The following DENND2B variants were observed in gnomAD, a reference collection of about 807,000 sequenced individuals.
DENND2B encodes the protein DENN domain-containing protein 2B.
DENND2B carries 32 observed loss-of-function variants against 116.0 expected under a neutral mutation model. That is an observed-to-expected ratio of 0.28 (90% CI 0.21 to 0.37). DENND2B has a LOEUF of 0.37. Among genes scored for constraint, DENND2B ranks in the 10% least tolerant of loss-of-function variants. The pLI, the probability that DENND2B is intolerant of heterozygous loss-of-function variation, is 1.00. For synonymous variants in DENND2B, 588 were observed against 583.9 expected (o/e 1.01, Z -0.10); for missense variants, 1,276 against 1,477.7 (o/e 0.86, Z 2.24).
At chr11:8,756,367 A>G (rs889886580) in intron 1 of DENND2B, among the ~76,000 whole-genome samples, 1 of 152,230 alleles carries the variant, frequency 6.6e-6, no homozygotes, top group Non-Finnish European at 1.5e-5. Flanking sequence ...GTGGCTAAGA[A>G]GAAAAATCCT....
At chr11:8,840,433 G>A (rs1035612326) in intron 3 of DENND2B, among the ~76,000 whole-genome samples, 3 of 152,082 alleles carry the variant, frequency 2.0e-5, no homozygotes, top group Admixed American at 1.3e-4. Context: ...AGGGCTGAAC[G>A]GCAGGACCAC....
Position 8,718,755 on chromosome 11 carries a change from T to C in DENND2B, c.1478-863A>G, listed in dbSNP as rs183708591. On this transcript the variant is annotated intron_variant, in intron 4 of 19. Transcript: ENST00000313726. ...CTGGCAGCGGGCATTGTATTGGCATTACCAGAAAATCTCAGAAAAGTCCAA... is the reference window on the plus strand; with the variant it reads ...CTGGCAGCGGGCATTGTATTGGCATCACCAGAAAATCTCAGAAAAGTCCAA... 7.4e-5 allele frequency: 78 copies of C among 1,051,146 alleles called. No homozygotes were observed. The African/African-American group carries it at 1.1e-3, about 15-fold the overall frequency. 65.1% of individuals were successfully genotyped at this position (1,051,146 alleles called of 1,614,324 possible). A position where few individuals can be genotyped will look rare whatever the true frequency, so the allele number is the denominator to read the frequency against.
chr11:8,870,826 C>G (rs1022949334), intron 2 of DENND2B: 1 of 152,276 alleles, frequency 6.6e-6, no homozygotes, highest in African/African-American at 2.4e-5. Flanking sequence ...CCCCCACGCG[C>G]GTACTCACGG....
Position 8,698,984 on chromosome 11 carries a change from G to T in DENND2B, c.2899-10C>A. 1.9e-6 allele frequency: 3 copies of T among 1,614,118 alleles called. No homozygotes were observed. The highest frequency in any genetic ancestry group is 2.5e-6 in the Non-Finnish European group (3 of 1,180,022). On this transcript the variant is annotated splice_polypyrimidine_tract_variant and intron_variant, in intron 15 of 19. Transcript: ENST00000313726. ...GATTCACCATCAGCGCCTGAGAAAA[G>T]GAGTCATTAGCAGAGTGGCTCAGGG...
At chr11:8,709,372 C>T (rs895312290) in intron 11 of DENND2B, among the ~76,000 whole-genome samples, 1 of 152,092 alleles carries the variant, frequency 6.6e-6, no homozygotes, top group Non-Finnish European at 1.5e-5. Context: ...TTGGCAGAGA[C>T]CCAGCCCAGG....
upstream of DENND2B, among the ~76,000 whole-genome samples, chr11:8,872,130 T>C (rs2063790879): frequency 6.6e-6 from 1 of 152,174 alleles, no homozygotes; most frequent in Non-Finnish European, 1.5e-5. Context: ...CCAGTTCAAT[T>C]GTCACATATC....
chr11:8,802,789 C>T (rs1311475870), intron 1 of DENND2B, among the ~76,000 whole-genome samples: 1 of 152,212 alleles, frequency 6.6e-6, no homozygotes, highest in Non-Finnish European at 1.5e-5. Context: ...CCCCAAACAT[C>T]TGTTAACCAA....
intron 1 of DENND2B, 75 bp from the exon 2 acceptor site, chr11:8,750,800 C>T: frequency 7.2e-7 from 1 of 1,382,926 alleles, no homozygotes; most frequent in Non-Finnish European, 1.0e-6. Context: ...TCCAGATGAC[C>T]TCCAAAAGTG....
intron 2 of DENND2B, among the ~76,000 whole-genome samples, chr11:8,876,509 G>T (rs1594329244): frequency 6.6e-6 from 1 of 152,056 alleles, no homozygotes; most frequent in East Asian, 1.9e-4. Context: ...TCACAAAAAG[G>T]TTCACTCCAA....
intron 2 of DENND2B, among the ~76,000 whole-genome samples, chr11:8,868,977 AT>A (rs775629131): frequency 2.0e-5 from 3 of 152,184 alleles, no homozygotes; most frequent in Non-Finnish European, 4.4e-5. Flanking sequence ...AAATATTATG[AT>A]TTTTTATGCG....
In DENND2B at chr11:8,712,679, G is replaced by A. The variant is rs369336564; in HGVS notation, c.2044C>T (p.Arg682Cys). 6 of 1,610,374 alleles carry A rather than the reference G, an allele frequency of 3.7e-6. No individual in the cohort carries two copies. In the African/African-American group the frequency reaches 6.7e-5, roughly 18 times the overall value. The stretch of plus-strand genomic sequence containing the variant: ...TCCAGCAGCTCCAGCTCCAGCGTGC[G>A]ATAGCTGGGGGCGCGCTTCAGCATC... ...QSMLKRAPSYRTLELELLEWQ... is the reference protein window; with the variant it reads ...QSMLKRAPSYCTLELELLEWQ... The change falls in exon 9 of 20, where the codon CGC becomes TGC. Residue 682 changes from arginine to cysteine, a missense_variant. Physicochemically the swap from Arg to Cys is radical, Grantham distance 180 (BLOSUM62 -3). This residue lies in a region of DENND2B where 420 missense variants were observed against 631.1 expected (regional missense o/e 0.67). Transcript: ENST00000313726. The surrounding 1 kb of genome is among the most constrained non-coding windows in gnomAD (Gnocchi z 4.4).
intron 2 of DENND2B, among the ~76,000 whole-genome samples, chr11:8,862,443 T>C (rs1471456744): frequency 6.9e-6 from 1 of 145,298 alleles, no homozygotes; most frequent in East Asian, 2.2e-4. Context: ...CAGGTGATCC[T>C]CCCATCTCAG....
chr11:8,757,368 T>G (rs550129810), intron 1 of DENND2B, among the ~76,000 whole-genome samples: 96 of 152,280 alleles, frequency 6.3e-4, no homozygotes, highest in African/African-American at 2.2e-3. Flanking sequence ...AGTACTATCA[T>G]TCCATTCACT....
chr11:8,834,816 C>T (rs1018943239), intron 4 of DENND2B, among the ~76,000 whole-genome samples: 3 of 152,310 alleles, frequency 2.0e-5, no homozygotes, highest in African/African-American at 7.2e-5. Flanking sequence ...AGAAACAACA[C>T]CAGACATGGT....
Position 8,693,799 on chromosome 11 carries a change from G to C in DENND2B, c.*297C>G, listed in dbSNP as rs1313864675. On this transcript the variant is annotated 3_prime_UTR_variant, in exon 20 of 20. Transcript: ENST00000313726. ...CAGCTGCACAAAACTGGCCAGTCAC[G>C]AGCACCCAGCGAAACTTCATCCATG... The C allele has an allele frequency of 8.9e-6, 3 of 338,840 alleles. No individual in the cohort carries two copies. Among genetic ancestry groups the C allele is most frequent in the Admixed American group, 4.6e-5 (1 of 21,664 alleles). The allele number at this position is 338,840 out of a possible 1,614,324, so 21.0% of individuals were successfully genotyped here. A position where few individuals can be genotyped will look rare whatever the true frequency, so the allele number is the denominator to read the frequency against.
At chr11:8,766,716 G>A (rs1228765010) in intron 1 of DENND2B, 13 of 1,275,148 alleles carry the variant, frequency 1.0e-5, no homozygotes, top group Non-Finnish European at 1.3e-5. Flanking sequence ...CTCTGTTGGT[G>A]ACATCACAGC....
intron 1 of DENND2B, among the ~76,000 whole-genome samples, chr11:8,754,095 G>T (rs1456786766): frequency 6.8e-6 from 1 of 146,700 alleles, no homozygotes; most frequent in Non-Finnish European, 1.5e-5. Context: ...TCAAAGAAAA[G>T]AACTTTTGTG....
intron 1 of DENND2B, among the ~76,000 whole-genome samples, chr11:8,898,430 G>C (rs1262194765): frequency 6.6e-6 from 1 of 152,048 alleles, no homozygotes; most frequent in African/African-American, 2.4e-5. Flanking sequence ...ATTAAGAAAA[G>C]ATGTCAGTAG....
chr11:8,709,426 CA>C (rs2043204577), intron 11 of DENND2B, among the ~76,000 whole-genome samples: 1 of 152,206 alleles, frequency 6.6e-6, no homozygotes, highest in Admixed American at 6.5e-5. Context: ...TCCCTGGGGG[CA>C]GCAGCCCCAC....
Sources: allele counts gnomAD v4.1 joint callset (sites outside exome capture counted in the v4.1 genomes callset), GRCh38; gene constraint gnomAD v4.1.1; regional missense constraint gnomAD v4.1.1; non-coding constraint Gnocchi (gnomAD v3.1); transcripts MANE v1.5; gene names NCBI Gene and HGNC (gene_info 2026-07-23, HGNC 2026-07-21).